PRELID2: variants seen among roughly 807,000 people sequenced by gnomAD.
The protein encoded by PRELID2 is PRELI domain-containing protein 2.
Under a neutral mutation model 28.4 loss-of-function variants are expected in PRELID2, and 25 were observed. The observed-to-expected ratio is 0.88, with a 90% confidence interval of 0.64 to 1.23. PRELID2 has a LOEUF of 1.23. Ranked by LOEUF, PRELID2 falls within the 50% of genes most tolerant of loss-of-function variation. The pLI is 0.00. For synonymous variants in PRELID2, 76 were observed against 71.6 expected (o/e 1.06, Z -0.31); for missense variants, 201 against 214.4 (o/e 0.94, Z 0.39).
At chr5:145,335,666 C>T in the PRELID2 span, among the ~76,000 whole-genome samples, 1 of 152,120 alleles carries the variant, frequency 6.6e-6, no homozygotes, top group Admixed American at 6.5e-5. Flanking sequence ...AATGGAAACC[C>T]AACTACCAAA....
chr5:145,449,709 C>T, the PRELID2 span, among the ~76,000 whole-genome samples: 1 of 152,130 alleles, frequency 6.6e-6, no homozygotes, highest in South Asian at 2.1e-4. Flanking sequence ...TGTTACTCTA[C>T]TGCTTAAGTC....
At chr5:145,765,552 T>C (rs1041103365) in intron 5 of PRELID2, among the ~76,000 whole-genome samples, 3 of 152,144 alleles carry the variant, frequency 2.0e-5, no homozygotes, top group Non-Finnish European at 4.4e-5. Flanking sequence ...GCATACATCA[T>C]TGGATGACTG....
At chr5:145,682,327 T>C (rs1296647767) in intron 1 of PRELID2, among the ~76,000 whole-genome samples, 2 of 152,168 alleles carry the variant, frequency 1.3e-5, no homozygotes, top group East Asian at 3.9e-4. Context: ...GGAACCTCAC[T>C]GGGAAAATAA....
rs560449909 is a variant in PRELID2, at chr5:145,662,253, G to A, written n.70+102678C>T. Among the ~76,000 whole-genome samples the A allele has an allele frequency of 2.0e-5, 3 of 152,172 alleles. No homozygotes were observed. The East Asian group carries it at 5.8e-4, about 30-fold the overall frequency. The stretch of plus-strand genomic sequence containing the variant: ...TAAAGAAATCATAGAGAAAACCAGA[G>A]AGACATGAGATCAAAGGAGCAAAAT... On this transcript the variant is annotated intron_variant and non_coding_transcript_variant, in intron 1 of 2. Transcript: ENST00000510259.
intron 1 of PRELID2, among the ~76,000 whole-genome samples, chr5:145,833,956 C>A (rs1755770495): frequency 6.6e-6 from 1 of 152,232 alleles, no homozygotes; most frequent in African/African-American, 2.4e-5. Context: ...AGAGAACTAA[C>A]CACGCATAGA....
chr5:145,322,789 T>C, the PRELID2 span, among the ~76,000 whole-genome samples: 2 of 152,178 alleles, frequency 1.3e-5, no homozygotes, highest in African/African-American at 4.8e-5. Context: ...GGCTCATGCC[T>C]GTAATCCCAG....
chr5:145,385,129 T>A, the PRELID2 span, among the ~76,000 whole-genome samples: 9 of 152,168 alleles, frequency 5.9e-5, no homozygotes, highest in Non-Finnish European at 1.0e-4. Flanking sequence ...CTTACTAAAT[T>A]ATACACTTAT....
the PRELID2 span, among the ~76,000 whole-genome samples, chr5:145,262,711 A>T: frequency 6.6e-5 from 10 of 152,134 alleles, no homozygotes; most frequent in African/African-American, 1.9e-4. Context: ...AACAAATCCC[A>T]AATTACACCA....
intron 4 of PRELID2, among the ~76,000 whole-genome samples, chr5:145,817,210 A>ATATATATATATATATAT (rs1561643788): frequency 7.4e-5 from 5 of 67,914 alleles, no homozygotes; most frequent in Admixed American, 1.9e-4. Context: ...TAAATAAATA[A>ATATATATATATATATAT]ATAAAAAAAA....
chr5:145,241,111 C>T, the PRELID2 span, among the ~76,000 whole-genome samples: 1 of 151,960 alleles, frequency 6.6e-6, no homozygotes, highest in East Asian at 1.9e-4. Flanking sequence ...AGAACAGTAC[C>T]TGGCACAGGT....
At chr5:145,467,944 T>G (rs1242509542), downstream of PRELID2, among the ~76,000 whole-genome samples, 2 of 152,038 alleles carry the variant, frequency 1.3e-5, no homozygotes, top group Non-Finnish European at 2.9e-5. Context: ...TACTTTAAGT[T>G]CTAGGGCACA....
At chr5:145,288,982 C>A in the PRELID2 span, among the ~76,000 whole-genome samples, 1 of 152,088 alleles carries the variant, frequency 6.6e-6, no homozygotes, top group African/African-American at 2.4e-5. Context: ...TTTTGTGGTA[C>A]TTTTGCCTTT....
chr5:145,482,935 T>C (rs1157431369), intron 1 of PRELID2, among the ~76,000 whole-genome samples: 1 of 151,976 alleles, frequency 6.6e-6, no homozygotes, highest in Non-Finnish European at 1.5e-5. Flanking sequence ...GCTCAGGCGG[T>C]AATGCGTGAA....
chr5:145,418,351 C>T, the PRELID2 span, among the ~76,000 whole-genome samples: 2 of 152,110 alleles, frequency 1.3e-5, no homozygotes, highest in African/African-American at 2.4e-5. Context: ...TTTCATTGAA[C>T]TACCATTTAT....
At chr5:145,378,876 T>C in the PRELID2 span, among the ~76,000 whole-genome samples, 2 of 152,240 alleles carry the variant, frequency 1.3e-5, no homozygotes, top group Admixed American at 1.3e-4. Flanking sequence ...CTCTTTAAGT[T>C]GTCAGGGTTC....
intron 1 of PRELID2, among the ~76,000 whole-genome samples, chr5:145,543,672 G>A (rs995882363): frequency 3.3e-5 from 5 of 152,000 alleles, no homozygotes; most frequent in African/African-American, 4.8e-5. Flanking sequence ...TGGCATTTGT[G>A]GGAAATATGG....
chr5:145,476,028 C>T (rs80048106), intron 1 of PRELID2, among the ~76,000 whole-genome samples: 2,095 of 152,204 alleles, frequency 0.014, 26 homozygotes, highest in Non-Finnish European at 0.021. Flanking sequence ...TCCTAAGCAA[C>T]CAAGTAATTC....
the PRELID2 span, among the ~76,000 whole-genome samples, chr5:145,408,915 C>T: frequency 2.0e-5 from 3 of 152,092 alleles, no homozygotes; most frequent in Admixed American, 2.0e-4. Context: ...GGCACACAGT[C>T]ATCAGGTTAT....
At chr5:145,656,930 C>G (rs948347192) in intron 1 of PRELID2, among the ~76,000 whole-genome samples, 1 of 152,028 alleles carries the variant, frequency 6.6e-6, no homozygotes, top group African/African-American at 2.4e-5. Flanking sequence ...TAGAATGACA[C>G]AGACTCTCTG....
Sources: allele counts gnomAD v4.1 joint callset (sites outside exome capture counted in the v4.1 genomes callset), GRCh38; gene constraint gnomAD v4.1.1; transcripts MANE v1.5; gene names NCBI Gene and HGNC (gene_info 2026-07-23, HGNC 2026-07-21).